The following LRRC56 variants were observed in gnomAD, a reference collection of about 807,000 sequenced individuals.
The protein encoded by LRRC56 is leucine-rich repeat-containing protein 56.
Under a neutral mutation model 47.8 loss-of-function variants are expected in LRRC56, and 41 were observed. That is an observed-to-expected ratio of 0.86 (90% CI 0.67 to 1.11). The LOEUF is 1.11. Among genes scored for constraint, LRRC56 ranks in the 50% most tolerant of loss-of-function variants. The pLI, the probability that LRRC56 is intolerant of heterozygous loss-of-function variation, is 0.00. For missense variants in LRRC56, 759 were observed against 704.2 expected (o/e 1.08, Z -0.88); for synonymous variants, 387 against 311.2 (o/e 1.24, Z -2.56).
At chr11:519,131 C>T in the LRRC56 span, among the ~76,000 whole-genome samples, 3 of 152,170 alleles carry the variant, frequency 2.0e-5, no homozygotes, top group African/African-American at 7.2e-5. Flanking sequence ...AAAAGCTAGA[C>T]GACATTTTCA....
chr11:534,342 G>A, upstream of LRRC56: 2 of 1,594,390 alleles, frequency 1.3e-6, no homozygotes. Flanking sequence ...GGGGCCTGCG[G>A]CCCGGGGTCC....
the LRRC56 span, among the ~76,000 whole-genome samples, chr11:508,711 G>A: frequency 1.2e-4 from 18 of 151,348 alleles, no homozygotes; most frequent in East Asian, 3.9e-4. Flanking sequence ...AGGTTGCAGC[G>A]AGCCTAGACC....
chr11:542,348 C>T (rs1471850372), intron 5 of LRRC56, among the ~76,000 whole-genome samples: 5 of 152,248 alleles, frequency 3.3e-5, no homozygotes, highest in Admixed American at 2.0e-4. Context: ...ACAGGGGCCA[C>T]GCCTGTAATC....
chr11:545,098 G>C (rs1473057212), intron 6 of LRRC56, among the ~76,000 whole-genome samples: 1 of 152,180 alleles, frequency 6.6e-6, no homozygotes, highest in Admixed American at 6.5e-5. Flanking sequence ...CTCTGGCTCA[G>C]CCCAGATGTA....
chr11:528,306 C>T, the LRRC56 span, among the ~76,000 whole-genome samples: 2 of 152,192 alleles, frequency 1.3e-5, no homozygotes, highest in Non-Finnish European at 2.9e-5. Context: ...GACGGGCAGG[C>T]GGCGCCCGGG....
At chr11:540,378 T>C (rs752441958) in intron 3 of LRRC56, among the ~76,000 whole-genome samples, 61 of 152,058 alleles carry the variant, frequency 4.0e-4, no homozygotes, top group Non-Finnish European at 8.2e-4. Context: ...AAGCCAGCAC[T>C]CCCTGCATGG....
In LRRC56 at chr11:551,931, C is replaced by A. The variant is rs1261309597; in HGVS notation, c.1002C>A (p.Pro334=). The A allele has an allele frequency of 6.2e-7, 1 of 1,612,648 alleles. No individual in the cohort carries two copies. The highest frequency in any genetic ancestry group is 8.5e-7 in the Non-Finnish European group (1 of 1,179,848). Residue 334 remains proline, a synonymous_variant, in exon 11 of 14, where the codon CCC becomes CCA. Coordinates refer to ENST00000270115, the MANE Select transcript of LRRC56 (RefSeq NM_198075.4). The part of the protein sequence containing the change: ...HGAGQVLCGN[P]TKGLRERRHQ... ...CTGGCCAAGTCCTCTGTGGGAACCC[C>A]ACCAAGGGCCTGCGGGAGCGTAGGC...
chr11:532,148 A>C, the LRRC56 span: 4 of 246,454 alleles, frequency 1.6e-5, no homozygotes, highest in Non-Finnish European at 2.4e-5. Flanking sequence ...CCCAAAGGCT[A>C]TGGAGAGCCC....
At chr11:540,620 T>A in intron 3 of LRRC56, 54 bp from the exon 4 acceptor site, 1 of 1,513,374 alleles carries the variant, frequency 6.6e-7, no homozygotes, top group South Asian at 1.2e-5. Context: ...TCAGCCGGGC[T>A]GCAGAGGAGG....
the LRRC56 span, among the ~76,000 whole-genome samples, chr11:516,142 C>G: frequency 2.0e-5 from 3 of 152,182 alleles, no homozygotes; most frequent in African/African-American, 7.2e-5. Context: ...GCCTGTAATC[C>G]TAGCACTTTG....
the LRRC56 span, among the ~76,000 whole-genome samples, chr11:514,144 A>G: frequency 2.0e-5 from 3 of 151,632 alleles, no homozygotes; most frequent in African/African-American, 7.3e-5. Context: ...AGCACGCACC[A>G]CCACACCCGG....
chr11:508,999 C>T, the LRRC56 span, among the ~76,000 whole-genome samples: 7 of 152,214 alleles, frequency 4.6e-5, no homozygotes, highest in East Asian at 3.9e-4. Context: ...GAGCCAAGAT[C>T]GTGCCACTGT....
the LRRC56 span, among the ~76,000 whole-genome samples, chr11:517,024 A>C: frequency 6.6e-6 from 1 of 151,958 alleles, no homozygotes. Flanking sequence ...TGGTTTTTGT[A>C]TTTTTGGAGG....
upstream of LRRC56, chr11:537,020 C>A (rs1195813242): frequency 6.6e-6 from 1 of 152,142 alleles, no homozygotes; most frequent in Admixed American, 6.5e-5. Flanking sequence ...GGGTGCGCTC[C>A]GGCGTCCGGT....
intron 13 of LRRC56, among the ~76,000 whole-genome samples, chr11:553,623 C>T (rs940473514): frequency 9.9e-5 from 15 of 152,108 alleles, no homozygotes; most frequent in African/African-American, 3.4e-4. Flanking sequence ...CGGCCCGGGG[C>T]GGTCAGCCAG....
upstream of LRRC56, chr11:533,835 G>C (rs1291306227): frequency 6.2e-7 from 1 of 1,613,382 alleles, no homozygotes; most frequent in Non-Finnish European, 8.5e-7. Flanking sequence ...GCCCTCCCCG[G>C]TGCGCATGTA....
At chr11:519,370 C>T in the LRRC56 span, among the ~76,000 whole-genome samples, 2 of 29,424 alleles carry the variant, frequency 6.8e-5, no homozygotes, top group African/African-American at 1.6e-4. Context: ...TTTATTAGAA[C>T]GCGGGCTGAT....
At chr11:522,120 A>C in the LRRC56 span, among the ~76,000 whole-genome samples, 1 of 151,972 alleles carries the variant, frequency 6.6e-6, no homozygotes, top group Non-Finnish European at 1.5e-5. Context: ...TTGCTCTGTC[A>C]TGCAGGCTGG....
intron 5 of LRRC56, 133 bp from the exon 6 acceptor site, chr11:544,587 T>C (rs1169430581): frequency 3.4e-6 from 3 of 875,974 alleles, no homozygotes; most frequent in African/African-American, 3.3e-5. Context: ...CCTCCTGTGG[T>C]GTGGAGGGAG....
Sources: gnomAD v4.1 joint callset for allele counts (sites outside exome capture counted in the v4.1 genomes callset) on GRCh38, gnomAD v4.1.1 for gene constraint, MANE v1.5 for transcripts, NCBI Gene and HGNC (gene_info 2026-07-23, HGNC 2026-07-21) for gene names.